Variants in CDH2 observed in about 807,000 individuals in gnomAD.
The protein encoded by CDH2 is cadherin-2.
CDH2 carries 17 observed loss-of-function variants against 92.0 expected under a neutral mutation model. The ratio of observed to expected loss-of-function variants is 0.18; its 90% confidence interval spans 0.13 to 0.28. The LOEUF (loss-of-function observed/expected upper bound fraction) is 0.28. Among genes scored for constraint, CDH2 ranks in the 10% least tolerant of loss-of-function variants. The probability of loss-of-function intolerance (pLI) is 1.00; values close to 1 mark genes in which losing one functional copy is unlikely to be tolerated. For missense variants in CDH2, 862 were observed against 1,133.1 expected, an observed-to-expected ratio of 0.76 and a Z score of 3.44; for synonymous variants, 419 against 415.9, an observed-to-expected ratio of 1.01 and a Z score of -0.09.
In CDH2 at chr18:28,011,916, C is replaced by T; in HGVS notation, c.476G>A (p.Arg159Lys). 1 of 1,614,012 alleles carries T rather than the reference C, an allele frequency of 6.2e-7. No individual in the cohort carries two copies. The change falls in exon 4 of 16, where the codon AGA becomes AAA. Residue 159 changes from arginine (R) to lysine (K), a missense_variant. This residue lies in a region of CDH2 where 21 missense variants were observed against 61.8 expected (regional missense o/e 0.34). Transcript: ENST00000269141. ...GTTGATTGGAGGGATGACCCAGTCTCTCTTCTGCCTTTGTAGGTGGCCACT... is the reference window on the plus strand; with the variant it reads ...GTTGATTGGAGGGATGACCCAGTCTTTCTTCTGCCTTTGTAGGTGGCCACT... ...KHSGHLQRQK[R>K]DWVIPPINLP...
At chr18:28,005,249 G>C (rs953837662) in intron 6 of CDH2, among the ~76,000 whole-genome samples, 2 of 152,158 alleles carry the variant, frequency 1.3e-5, no homozygotes, top group Admixed American at 6.5e-5. Flanking sequence ...CTTTCCACAA[G>C]TGCTATTTCT....
chr18:27,983,405 G>C (rs1599009013), intron 13 of CDH2, among the ~76,000 whole-genome samples: 1 of 152,188 alleles, frequency 6.6e-6, no homozygotes, highest in East Asian at 1.9e-4. Context: ...TGGCTTGCTA[G>C]AGGATAGTTG....
At chr18:27,972,458 G>A (rs1276484978) in intron 14 of CDH2, among the ~76,000 whole-genome samples, 4 of 152,106 alleles carry the variant, frequency 2.6e-5, no homozygotes, top group Non-Finnish European at 5.9e-5. Flanking sequence ...GTTTGAAAAC[G>A]GACTAACAGC....
At chr18:28,160,292 A>C (rs938680775) in intron 1 of CDH2, among the ~76,000 whole-genome samples, 12 of 152,136 alleles carry the variant, frequency 7.9e-5, no homozygotes, top group Admixed American at 6.5e-4. Context: ...ATCTGGGTGA[A>C]AGCTGCCGCA....
chr18:28,007,165 A>AAAAAT (rs1172779200), intron 5 of CDH2, among the ~76,000 whole-genome samples: 1,337 of 110,376 alleles, frequency 0.012, 15 homozygotes, highest in South Asian at 0.015. Context: ...ATAAAAAAAA[A>AAAAAT]ATATATATAT....
At chr18:27,941,434 C>T (rs1353261523) in intron 6 of CDH2, among the ~76,000 whole-genome samples, 1 of 152,114 alleles carries the variant, frequency 6.6e-6, no homozygotes. Flanking sequence ...TTATAAAATA[C>T]CTTCACATCA....
At chr18:28,061,408 C>T (rs1343863069) in intron 2 of CDH2, among the ~76,000 whole-genome samples, 2 of 151,992 alleles carry the variant, frequency 1.3e-5, no homozygotes, top group East Asian at 1.9e-4. Context: ...TTTGGGAGGC[C>T]GAGACAGATA....
At chr18:27,949,494 T>C (rs1016013093), downstream of CDH2, among the ~76,000 whole-genome samples, 4 of 151,970 alleles carry the variant, frequency 2.6e-5, no homozygotes, top group East Asian at 7.7e-4. Context: ...TATGTTCATA[T>C]TATGGAATAA....
chr18:27,961,316 C>T (rs1598990270), intron 15 of CDH2, among the ~76,000 whole-genome samples: 1 of 151,364 alleles, frequency 6.6e-6, no homozygotes, highest in East Asian at 1.9e-4. Flanking sequence ...TAGCGCTTGT[C>T]CTGGAGATAA....
At chr18:27,998,453 C>T (rs1197017483) in intron 7 of CDH2, among the ~76,000 whole-genome samples, 1 of 152,164 alleles carries the variant, frequency 6.6e-6, no homozygotes, top group African/African-American at 2.4e-5. Flanking sequence ...TAGACTTGAA[C>T]TCAGGTATGG....
At chr18:28,065,901 T>C (rs983507399) in intron 2 of CDH2, among the ~76,000 whole-genome samples, 7 of 152,128 alleles carry the variant, frequency 4.6e-5, no homozygotes, top group South Asian at 2.1e-4. Context: ...CAACATTAAA[T>C]TGCACTCTCC....
At chr18:28,131,415 T>C (rs1393062731) in intron 2 of CDH2, among the ~76,000 whole-genome samples, 1 of 152,122 alleles carries the variant, frequency 6.6e-6, no homozygotes, top group African/African-American at 2.4e-5. Context: ...CATCATGGGT[T>C]TTAATTGACA....
rs917686118 is a variant in CDH2, at chr18:28,062,726, C to A, written c.173-48817G>T. 2.0e-5 allele frequency among the ~76,000 whole-genome samples: 3 copies of A among 152,184 alleles called. No homozygotes were observed. In the East Asian group the frequency reaches 5.8e-4, roughly 29 times the overall value. On this transcript the variant is annotated intron_variant, in intron 2 of 15. Coordinates refer to ENST00000269141, the MANE Select transcript of CDH2 (RefSeq NM_001792.5). ...TGGTGGCTCATGCCTGTAATCCCAGCACTTTAGAAGTCCAAGGCGAGCGGA... is the reference window on the plus strand; with the variant it reads ...TGGTGGCTCATGCCTGTAATCCCAGAACTTTAGAAGTCCAAGGCGAGCGGA...
chr18:27,970,716 C>T (rs1016564760), intron 14 of CDH2, among the ~76,000 whole-genome samples: 8 of 152,072 alleles, frequency 5.3e-5, no homozygotes, highest in East Asian at 1.9e-4. Context: ...TGATTAAATC[C>T]GTCTATAACA....
At chr18:28,044,778 C>CA (rs10709800) in intron 2 of CDH2, among the ~76,000 whole-genome samples, 14 of 148,264 alleles carry the variant, frequency 9.4e-5, no homozygotes, top group East Asian at 8.1e-4. Flanking sequence ...AGTTACTTGT[C>CA]AAAAAAAAAA....
intron 2 of CDH2, among the ~76,000 whole-genome samples, chr18:28,038,575 T>C (rs2013886669): frequency 6.6e-6 from 1 of 151,972 alleles, no homozygotes; most frequent in African/African-American, 2.4e-5. Context: ...AACCAATGCA[T>C]GCATTTTTTG....
intron 2 of CDH2, among the ~76,000 whole-genome samples, chr18:28,123,096 G>A (rs543742146): frequency 6.6e-6 from 1 of 152,072 alleles, no homozygotes; most frequent in East Asian, 1.9e-4. Flanking sequence ...TGATACAAGT[G>A]TTAGAAAGCT....
intron 2 of CDH2, among the ~76,000 whole-genome samples, chr18:28,028,488 A>C (rs1227704633): frequency 6.6e-6 from 1 of 152,144 alleles, no homozygotes; most frequent in African/African-American, 2.4e-5. Flanking sequence ...GAACAAACAA[A>C]AGGATAAGAT....
chr18:28,174,289 CT>C (rs2016505685), intron 1 of CDH2, among the ~76,000 whole-genome samples: 1 of 152,108 alleles, frequency 6.6e-6, no homozygotes. Flanking sequence ...TAGCAGCTGA[CT>C]GCAGGACAGC....
Sources: gnomAD v4.1 joint callset for allele counts (sites outside exome capture counted in the v4.1 genomes callset) on GRCh38, gnomAD v4.1.1 for gene constraint, gnomAD v4.1.1 regional missense constraint, MANE v1.5 for transcripts, NCBI Gene and HGNC (gene_info 2026-07-23, HGNC 2026-07-21) for gene names.